OSCP1: variants seen among roughly 807,000 people sequenced by gnomAD.
The protein encoded by OSCP1 is organic solute carrier partner 1.
In OSCP1, 35 loss-of-function variants were observed where a neutral mutation model predicts 45.1. The ratio of observed to expected loss-of-function variants is 0.78; its 90% CI spans 0.59 to 1.03. The LOEUF is 1.03. Among genes scored for constraint, OSCP1 ranks in the 50% least tolerant of loss-of-function variants. OSCP1 has a pLI of 0.00. For synonymous variants in OSCP1, 179 were observed against 180.1 expected (o/e 0.99, Z 0.05); for missense variants, 400 against 470.7 (o/e 0.85, Z 1.39).
At chr1:36,438,988 C>T in intron 1 of OSCP1, 78 bp from the exon 2 acceptor site, 1 of 1,502,500 alleles carries the variant, frequency 6.7e-7, no homozygotes, top group East Asian at 2.3e-5. Flanking sequence ...TGTGCAGGTA[C>T]AGGAGCTGAG....
intron 2 of OSCP1, among the ~76,000 whole-genome samples, chr1:36,433,121 AT>A (rs1339798603): frequency 1.3e-5 from 2 of 152,248 alleles, no homozygotes; most frequent in African/African-American, 4.8e-5. Context: ...TATAAGAATC[AT>A]TTTAAATGAT....
At chr1:36,431,007 AGG>A (rs1256172723) in intron 4 of OSCP1, among the ~76,000 whole-genome samples, 3 of 152,228 alleles carry the variant, frequency 2.0e-5, no homozygotes, top group African/African-American at 7.2e-5. Context: ...GGGGAATCAA[AGG>A]TGACATTCTG....
At chr1:36,418,678 A>G in intron 9 of OSCP1, 1 of 344,792 alleles carries the variant, frequency 2.9e-6, no homozygotes, top group Non-Finnish European at 5.2e-6. Flanking sequence ...GCACTTTGGG[A>G]GGCCAAGGCG....
intron 1 of OSCP1, 79 bp from the exon 2 acceptor site, chr1:36,438,989 A>G (rs1648951621): frequency 1.3e-6 from 2 of 1,494,926 alleles, no homozygotes; most frequent in Middle Eastern, 1.7e-4. Context: ...GTGCAGGTAC[A>G]GGAGCTGAGC....
intron 3 of OSCP1, 123 bp downstream of exon 3, chr1:36,432,299 T>C (rs1201195339): frequency 1.7e-6 from 2 of 1,185,264 alleles, no homozygotes; most frequent in Non-Finnish European, 2.4e-6. Context: ...CAGAATGTTC[T>C]GGGAGAGTGG....
intron 1 of OSCP1, among the ~76,000 whole-genome samples, chr1:36,444,751 A>G (rs1367304862): frequency 1.3e-5 from 2 of 152,212 alleles, no homozygotes; most frequent in South Asian, 2.1e-4. Flanking sequence ...TCAAGACTCT[A>G]TGGGTTGAAA....
At chr1:36,441,643 C>T (rs1649166799) in intron 1 of OSCP1, among the ~76,000 whole-genome samples, 1 of 141,590 alleles carries the variant, frequency 7.1e-6, no homozygotes, top group South Asian at 2.2e-4. Flanking sequence ...TCCCAGCTAC[C>T]GGGAGGCTGA....
chr1:36,431,658 C>CA (rs1648368189), intron 4 of OSCP1, 144 bp downstream of exon 4: 4 of 631,626 alleles, frequency 6.3e-6, no homozygotes, highest in Non-Finnish European at 8.1e-6. Context: ...GATGTATTAT[C>CA]AATATCTTTA....
intron 6 of OSCP1, 67 bp downstream of exon 6, chr1:36,422,701 C>CTTTT (rs35889349): frequency 5.8e-6 from 7 of 1,203,006 alleles, no homozygotes; most frequent in Non-Finnish European, 7.7e-6. Flanking sequence ...GGCTGTTTCT[C>CTTTT]TTTTTTTTTT....
chr1:36,425,507 G>C (rs1272700491), intron 4 of OSCP1, among the ~76,000 whole-genome samples: 1 of 152,126 alleles, frequency 6.6e-6, no homozygotes, highest in Non-Finnish European at 1.5e-5. Context: ...GGCTGAGGCG[G>C]GAGGATCATG....
intron 1 of OSCP1, among the ~76,000 whole-genome samples, chr1:36,442,150 C>T (rs537529938): frequency 6.6e-6 from 1 of 150,976 alleles, no homozygotes; most frequent in Non-Finnish European, 1.5e-5. Flanking sequence ...TTGCTTGAAC[C>T]TGGGAGCGGA....
intron 2 of OSCP1, among the ~76,000 whole-genome samples, chr1:36,435,518 C>G (rs926228818): frequency 6.6e-6 from 1 of 152,022 alleles, no homozygotes; most frequent in Non-Finnish European, 1.5e-5. Flanking sequence ...TATTGAACAG[C>G]TATATGCCAG....
intron 4 of OSCP1, among the ~76,000 whole-genome samples, chr1:36,427,222 G>A (rs1648025336): frequency 1.3e-5 from 2 of 149,762 alleles, no homozygotes; most frequent in Admixed American, 6.7e-5. Context: ...GGCTGGTCTC[G>A]AACTCCTGAC....
rs755740191 is a variant in OSCP1, at chr1:36,438,774, G to C, written c.249C>G (p.Asn83Lys). 3 of 1,612,188 alleles carry C rather than the reference G, an allele frequency of 1.9e-6. No homozygotes were observed. The Admixed American group carries it at 5.0e-5, about 27-fold the overall frequency. Residue 83 changes from asparagine (N) to lysine (K), a missense_variant, in exon 2 of 10, where the codon AAC becomes AAG. Coordinates refer to ENST00000235532, the MANE Select transcript of OSCP1 (RefSeq NM_145047.5). ...RLAHASIMKL[N>K]QASMDKLYDL... Reference sequence around the variant, plus strand: ...TGCTCACCTTATCCATGCTGGCCTGGTTCAGTTTCATAATGGAGGCATGAG... The same window carrying C: ...TGCTCACCTTATCCATGCTGGCCTGCTTCAGTTTCATAATGGAGGCATGAG...
intron 2 of OSCP1, 60 bp downstream of exon 2, chr1:36,438,696 G>C: frequency 1.3e-6 from 2 of 1,544,508 alleles, no homozygotes; most frequent in East Asian, 4.5e-5. Flanking sequence ...CCCAGTCTAT[G>C]ATCATCCACA....
rs752282724 is a variant in OSCP1 at position 36,418,128 on chromosome 1, G to C, written c.*11C>G. On this transcript the variant is annotated 3_prime_UTR_variant, in exon 10 of 10. Coordinates refer to ENST00000235532, the MANE Select transcript of OSCP1 (RefSeq NM_145047.5). ...CTCTCCCTGGGGGCAGAGGACGCCTGGTCAGAACAGCTATAACTCATCCAT... is the reference window on the plus strand; with the variant it reads ...CTCTCCCTGGGGGCAGAGGACGCCTCGTCAGAACAGCTATAACTCATCCAT... 3.3e-5 allele frequency: 53 copies of C among 1,612,608 alleles called. No individual in the cohort carries two copies. Among genetic ancestry groups the C allele is most frequent in the Non-Finnish European group, 4.3e-5 (51 of 1,178,882 alleles).
At chr1:36,444,679 G>A (rs1322809693) in intron 1 of OSCP1, among the ~76,000 whole-genome samples, 1 of 152,200 alleles carries the variant, frequency 6.6e-6, no homozygotes, top group African/African-American at 2.4e-5. Flanking sequence ...AAGGCAGCTG[G>A]GGAGATCCCA....
rs190986026 is a variant in OSCP1, at chr1:36,450,142, C to T, written c.112+116G>A. ...TGGATGTGGCTTGTAAGAAAGGTCC[C>T]TGGTTATAAGAGTGAAGTGTGTAGG... On this transcript the variant is annotated intron_variant, in intron 1 of 9. Transcript: ENST00000235532. The T allele has an allele frequency of 7.5e-6, 6 of 804,290 alleles. No individual in the cohort carries two copies. The African/African-American group carries it at 1.0e-4, about 14-fold the overall frequency. 49.8% of individuals were successfully genotyped at this position (804,290 alleles called of 1,614,324 possible).
At chr1:36,439,274 G>A (rs1035801952) in intron 1 of OSCP1, among the ~76,000 whole-genome samples, 1 of 152,116 alleles carries the variant, frequency 6.6e-6, no homozygotes, top group Admixed American at 6.5e-5. Flanking sequence ...TAATCCCAGC[G>A]CTTTGGGAGG....
Sources: gnomAD v4.1 joint callset for allele counts (sites outside exome capture counted in the v4.1 genomes callset) on GRCh38, gnomAD v4.1.1 for gene constraint, MANE v1.5 for transcripts, NCBI Gene and HGNC (gene_info 2026-07-23, HGNC 2026-07-21) for gene names.